TP63: variants seen among roughly 807,000 people sequenced by gnomAD.
The protein encoded by TP63 is tumor protein p63.
In TP63, 17 loss-of-function variants were observed where a neutral mutation model predicts 82.8. The ratio of observed to expected loss-of-function variants is 0.21; its 90% CI spans 0.14 to 0.31. The LOEUF (loss-of-function observed/expected upper bound fraction) is 0.31, where lower values mean the gene tolerates loss of function less well. Ranked by LOEUF, TP63 falls within the 10% of genes least tolerant of loss-of-function variation. The pLI is 1.00. For missense variants in TP63, 648 were observed against 895.3 expected (o/e 0.72, Z 3.52); for synonymous variants, 330 against 321.7 (o/e 1.03, Z -0.28).
At chr3:189,697,833 A>G (rs983939587) in intron 1 of TP63, among the ~76,000 whole-genome samples, 2 of 151,722 alleles carry the variant, frequency 1.3e-5, no homozygotes, top group African/African-American at 4.8e-5. Context: ...ATAAATTTTC[A>G]TTTTTATTTG....
chr3:189,656,517 A>G (rs1016759884), intron 1 of TP63, among the ~76,000 whole-genome samples: 7 of 152,168 alleles, frequency 4.6e-5, no homozygotes, highest in African/African-American at 1.7e-4. Context: ...TCAACCAATC[A>G]TCACATTAAA....
intron 13 of TP63, among the ~76,000 whole-genome samples, chr3:189,891,731 G>C (rs560033648): frequency 6.6e-6 from 1 of 152,190 alleles, no homozygotes; most frequent in African/African-American, 2.4e-5. Context: ...TCACACGGGA[G>C]CTAGTGTTGC....
At chr3:189,634,049 G>A (rs1267791542) in intron 1 of TP63, among the ~76,000 whole-genome samples, 2 of 152,052 alleles carry the variant, frequency 1.3e-5, no homozygotes, top group Non-Finnish European at 2.9e-5. Flanking sequence ...GAATTAGTAT[G>A]ATAATGTATA....
At chr3:189,614,765 A>T in the TP63 span, among the ~76,000 whole-genome samples, 2 of 152,188 alleles carry the variant, frequency 1.3e-5, no homozygotes, top group Admixed American at 1.3e-4. Flanking sequence ...ATTTGAAAGC[A>T]TGTGGCATGG....
chr3:189,867,869 A>G lies in TP63; in HGVS notation c.919A>G (p.Met307Val). ...TEFTTVLYNF[M>V]CNSSCVGGMN... ...ATTCACGACAGTCTTGTACAATTTC[A>G]TGTGTAACAGCAGTTGTGTTGGAGG... Residue 307 changes from methionine (M) to valine (V), a missense_variant, in exon 7 of 14, where the codon ATG becomes GTG. By Grantham distance (21) the Met-to-Val change is conservative. Coordinates refer to ENST00000264731, the MANE Select transcript of TP63 (RefSeq NM_003722.5). The G allele has an allele frequency of 6.2e-7, 1 of 1,613,136 alleles. No homozygotes were observed. Among genetic ancestry groups the G allele is most frequent in the Non-Finnish European group, 8.5e-7 (1 of 1,179,230 alleles).
chr3:189,879,930 A>G, intron 10 of TP63: 3 of 1,242,006 alleles, frequency 2.4e-6, no homozygotes, highest in Non-Finnish European at 3.1e-6. Context: ...AAGAACAAAA[A>G]TAGCTTTTCA....
intron 1 of TP63, among the ~76,000 whole-genome samples, chr3:189,720,357 C>A (rs1366917916): frequency 1.3e-5 from 2 of 152,120 alleles, no homozygotes; most frequent in Non-Finnish European, 2.9e-5. Flanking sequence ...AAGTATATTT[C>A]ATTTACTTGT....
chr3:189,799,955 A>G (rs1432434435), intron 3 of TP63, among the ~76,000 whole-genome samples: 2 of 152,210 alleles, frequency 1.3e-5, no homozygotes, highest in African/African-American at 2.4e-5. Context: ...TTGGGGATTC[A>G]GTACTAAACA....
At chr3:189,817,503 A>G (rs1014527233) in intron 4 of TP63, among the ~76,000 whole-genome samples, 8 of 152,170 alleles carry the variant, frequency 5.3e-5, no homozygotes, top group Non-Finnish European at 1.2e-4. Context: ...GTGAGGCTTA[A>G]TTAAAGTTTA....
chr3:189,628,269 G>A (rs1319079104), upstream of TP63, among the ~76,000 whole-genome samples: 1 of 152,170 alleles, frequency 6.6e-6, no homozygotes, highest in East Asian at 1.9e-4. Context: ...CGCAGATGGA[G>A]TTTTAAAACA....
intron 3 of TP63, among the ~76,000 whole-genome samples, chr3:189,798,897 G>A (rs901384980): frequency 1.2e-4 from 18 of 152,044 alleles, no homozygotes; most frequent in African/African-American, 3.4e-4. Flanking sequence ...ACAGCTGAGA[G>A]GAACACTCCA....
chr3:189,654,352 A>G (rs1437421086), intron 1 of TP63, among the ~76,000 whole-genome samples: 1 of 152,146 alleles, frequency 6.6e-6, no homozygotes, highest in Non-Finnish European at 1.5e-5. Flanking sequence ...ATGTGAAAAA[A>G]TCCATTTTCT....
At chr3:189,817,786 T>A (rs184601970) in intron 4 of TP63, among the ~76,000 whole-genome samples, 215 of 152,150 alleles carry the variant, frequency 1.4e-3, no homozygotes, top group African/African-American at 5.0e-3. Context: ...TTTAATTGAA[T>A]CTTATATCTG....
chr3:189,846,256 C>T (rs1029574231), intron 4 of TP63, among the ~76,000 whole-genome samples: 3 of 152,140 alleles, frequency 2.0e-5, no homozygotes, highest in African/African-American at 7.2e-5. Flanking sequence ...ATATTCCAAA[C>T]TTCCTCCCCT....
intron 3 of TP63, among the ~76,000 whole-genome samples, chr3:189,805,796 G>GA (rs2108630825): frequency 6.6e-6 from 1 of 152,358 alleles, no homozygotes; most frequent in African/African-American, 2.4e-5. Flanking sequence ...TTTGAAGGAA[G>GA]AAAGTATTGC....
intron 3 of TP63, among the ~76,000 whole-genome samples, chr3:189,799,218 A>T (rs1342365561): frequency 6.6e-6 from 1 of 152,126 alleles, no homozygotes; most frequent in East Asian, 1.9e-4. Flanking sequence ...CTATAATCTC[A>T]GTTCCTTAAA....
At chr3:189,830,750 A>C (rs1175067210) in intron 4 of TP63, among the ~76,000 whole-genome samples, 4 of 152,208 alleles carry the variant, frequency 2.6e-5, no homozygotes, top group African/African-American at 4.8e-5. Flanking sequence ...CAGAAAAATT[A>C]ATATGTGACG....
chr3:189,867,495 A>G (rs916722462), intron 6 of TP63, among the ~76,000 whole-genome samples: 13 of 152,186 alleles, frequency 8.5e-5, no homozygotes, highest in East Asian at 1.9e-4. Flanking sequence ...GTTTTTGGCA[A>G]TTATCCCCAG....
chr3:189,884,076 G>C (rs1284746406), intron 10 of TP63, among the ~76,000 whole-genome samples: 1 of 152,160 alleles, frequency 6.6e-6, no homozygotes, highest in Admixed American at 6.5e-5. Context: ...GTCTCCTCAG[G>C]TTACAGAGGA....
Sources: allele counts gnomAD v4.1 joint callset (sites outside exome capture counted in the v4.1 genomes callset), GRCh38; gene constraint gnomAD v4.1.1; transcripts MANE v1.5; gene names NCBI Gene and HGNC (gene_info 2026-07-23, HGNC 2026-07-21).